NDST3: variants seen among roughly 807,000 people sequenced by gnomAD.
NDST3 encodes the protein bifunctional heparan sulfate N-deacetylase/N-sulfotransferase 3.
NDST3 carries 58 observed loss-of-function variants against 96.1 expected under a neutral mutation model. The observed-to-expected ratio is 0.60, with a 90% CI of 0.49 to 0.75. The LOEUF (loss-of-function observed/expected upper bound fraction) is 0.75. Ranked by LOEUF, NDST3 falls within the 30% of genes least tolerant of loss-of-function variation. NDST3 has a pLI of 0.00. For synonymous variants in NDST3, 333 were observed against 359.7 expected (o/e 0.93, Z 0.84); for missense variants, 788 against 1,034.2 (o/e 0.76, Z 3.27).
At chr4:118,102,568 C>A (rs989718088) in intron 2 of NDST3, among the ~76,000 whole-genome samples, 2 of 152,028 alleles carry the variant, frequency 1.3e-5, no homozygotes, top group African/African-American at 2.4e-5. Context: ...AATGAGTAGA[C>A]TACTTCAGTT....
chr4:118,073,956 G>A (rs548875252), intron 2 of NDST3, among the ~76,000 whole-genome samples: 15 of 152,182 alleles, frequency 9.9e-5, no homozygotes, highest in African/African-American at 3.6e-4. Flanking sequence ...CTATATCCCA[G>A]AGATTCTGGT....
At position 118,211,583 on chromosome 4, in the gene NDST3, TATC is replaced by T. The variant is rs1738801811; in HGVS notation, c.1540-12903_1540-12901del. 5.3e-5 allele frequency among the ~76,000 whole-genome samples: 8 copies of T among 152,284 alleles called. No homozygotes were observed. In the South Asian group the frequency reaches 1.7e-3, roughly 32 times the overall value. Reference sequence around the variant, plus strand: ...AGCCTACTATTGTTAAATGTGATTATATCATCACTGTTTTCATCGCATTAGGGG... The same window carrying T: ...AGCCTACTATTGTTAAATGTGATTATATCACTGTTTTCATCGCATTAGGGG... On this transcript the variant is annotated intron_variant, in intron 6 of 13. Transcript: ENST00000296499.
intron 6 of NDST3, among the ~76,000 whole-genome samples, chr4:118,220,402 T>C (rs1008290396): frequency 3.3e-5 from 5 of 151,042 alleles, no homozygotes; most frequent in Admixed American, 3.3e-4. Flanking sequence ...AGTTGAACAA[T>C]GAGAACACAT....
intron 6 of NDST3, among the ~76,000 whole-genome samples, chr4:118,180,600 T>G (rs1023448324): frequency 6.6e-6 from 1 of 152,116 alleles, no homozygotes; most frequent in Non-Finnish European, 1.5e-5. Flanking sequence ...TAGGTGACTT[T>G]TCAATTTAGC....
At chr4:118,250,258 G>C (rs748525506) in intron 12 of NDST3, among the ~76,000 whole-genome samples, 18 of 152,144 alleles carry the variant, frequency 1.2e-4, no homozygotes, top group Non-Finnish European at 2.2e-4. Flanking sequence ...TAATTTCTAA[G>C]AAACTTTACA....
At chr4:118,133,014 C>A (rs1236948955) in intron 4 of NDST3, among the ~76,000 whole-genome samples, 1 of 152,258 alleles carries the variant, frequency 6.6e-6, no homozygotes, top group East Asian at 1.9e-4. Context: ...CTGTGAGTTG[C>A]ACTTCCTGGG....
intron 6 of NDST3, among the ~76,000 whole-genome samples, chr4:118,219,480 C>G (rs574731739): frequency 6.6e-6 from 1 of 152,092 alleles, no homozygotes; most frequent in Non-Finnish European, 1.5e-5. Context: ...GAAAAACTGG[C>G]TAGCCATATG....
intron 1 of NDST3, among the ~76,000 whole-genome samples, chr4:118,040,425 T>C (rs1377496855): frequency 6.6e-6 from 1 of 152,078 alleles, no homozygotes; most frequent in East Asian, 1.9e-4. Flanking sequence ...TGGTTATGCC[T>C]CTGATTGAGC....
chr4:118,156,160 C>T (rs1204380299), intron 6 of NDST3, among the ~76,000 whole-genome samples: 1 of 152,114 alleles, frequency 6.6e-6, no homozygotes, highest in Non-Finnish European at 1.5e-5. Flanking sequence ...GCACCTTTCA[C>T]TCCACCCATA....
intron 6 of NDST3, among the ~76,000 whole-genome samples, chr4:118,219,962 A>G (rs968038291): frequency 2.6e-5 from 4 of 151,962 alleles, no homozygotes; most frequent in African/African-American, 9.7e-5. Flanking sequence ...CCATAATGAG[A>G]TACCATCTCA....
intron 6 of NDST3, among the ~76,000 whole-genome samples, chr4:118,161,475 G>A (rs1297926487): frequency 6.6e-6 from 1 of 152,196 alleles, no homozygotes; most frequent in African/African-American, 2.4e-5. Flanking sequence ...GCCCCCAGAG[G>A]TGGAGTCTAC....
intron 6 of NDST3, among the ~76,000 whole-genome samples, chr4:118,145,872 C>T (rs1391142467): frequency 3.3e-5 from 5 of 152,146 alleles, no homozygotes; most frequent in African/African-American, 7.2e-5. Context: ...CCAAAGCTAA[C>T]GTTATCTGGC....
At chr4:118,229,433 T>C (rs1740126385) in intron 8 of NDST3, among the ~76,000 whole-genome samples, 1 of 152,248 alleles carries the variant, frequency 6.6e-6, no homozygotes, top group Non-Finnish European at 1.5e-5. Context: ...TGTGTGTCTA[T>C]GATTATGTAG....
In NDST3 at chr4:118,256,095, C is replaced by T. The variant is rs112652932; in HGVS notation, c.*383C>T. 793 of 153,322 alleles carry T rather than the reference C, an allele frequency of 5.2e-3. 7 individuals carry two copies. Among genetic ancestry groups the T allele is most frequent in the African/African-American group, 0.017 (726 of 41,604 alleles). The allele number at this position is 153,322 out of a possible 1,614,324, so 9.5% of individuals were successfully genotyped here. A position where few individuals can be genotyped will look rare whatever the true frequency, so the allele number is the denominator to read the frequency against. ...GTTTTTAGACCACTGTTTGCCTGTA[C>T]GATGTTTTCTTATTATTTTATTCTA... On this transcript the variant is annotated 3_prime_UTR_variant, in exon 14 of 14. Transcript: ENST00000296499.
chr4:118,162,821 A>C (rs868209988), intron 6 of NDST3, among the ~76,000 whole-genome samples: 1 of 148,916 alleles, frequency 6.7e-6, no homozygotes, highest in East Asian at 2.0e-4. Flanking sequence ...GCAACCTACA[A>C]AATGGGAGAA....
At chr4:118,134,586 A>C (rs1011109216) in intron 4 of NDST3, among the ~76,000 whole-genome samples, 4 of 152,208 alleles carry the variant, frequency 2.6e-5, no homozygotes, top group African/African-American at 9.6e-5. Flanking sequence ...AAATTTAGAA[A>C]AGAGGAAAGA....
chr4:118,146,709 T>C (rs188008397), intron 6 of NDST3, among the ~76,000 whole-genome samples: 1 of 152,330 alleles, frequency 6.6e-6, no homozygotes, highest in Non-Finnish European at 1.5e-5. Context: ...AGAGAAAACT[T>C]TGGTCATCTC....
chr4:118,121,384 A>T (rs909069952), intron 4 of NDST3, among the ~76,000 whole-genome samples: 11 of 152,224 alleles, frequency 7.2e-5, no homozygotes, highest in Non-Finnish European at 4.4e-5. Context: ...TTATTTTTAG[A>T]ATTATATATT....
In NDST3 at chr4:118,239,128, C is replaced by G. The variant is rs370451924; in HGVS notation, c.2119-1396C>G. ...CCCTGTGTTAAAGTGACCCACATAGCTTAGATCCTCCCTACAAGAGTGGGA... is the reference window on the plus strand; with the variant it reads ...CCCTGTGTTAAAGTGACCCACATAGGTTAGATCCTCCCTACAAGAGTGGGA... On this transcript the variant is annotated intron_variant, in intron 10 of 13. Coordinates refer to ENST00000296499, the MANE Select transcript of NDST3 (RefSeq NM_004784.3). Among the ~76,000 whole-genome samples, 10 of 152,294 alleles carry G rather than the reference C, an allele frequency of 6.6e-5. No homozygotes were observed. The East Asian group carries it at 1.7e-3, about 26-fold the overall frequency.
Sources: gnomAD v4.1 joint callset for allele counts (sites outside exome capture counted in the v4.1 genomes callset) on GRCh38, gnomAD v4.1.1 for gene constraint, MANE v1.5 for transcripts, NCBI Gene and HGNC (gene_info 2026-07-23, HGNC 2026-07-21) for gene names.